Variants in ATP2B1 observed in about 807,000 individuals in gnomAD.
ATP2B1 encodes plasma membrane calcium-transporting ATPase 1.
In ATP2B1, 14 loss-of-function variants were observed where a neutral mutation model predicts 124.2. The ratio of observed to expected loss-of-function variants is 0.11; its 90% CI spans 0.07 to 0.18. The LOEUF is 0.18. Ranked by LOEUF, ATP2B1 falls within the 10% of genes least tolerant of loss-of-function variation. The pLI is 1.00. For missense variants in ATP2B1, 763 were observed against 1,466.1 expected, an observed-to-expected ratio of 0.52 and a Z score of 7.83; for synonymous variants, 449 against 492.4, an observed-to-expected ratio of 0.91 and a Z score of 1.17.
In ATP2B1 at chr12:89,603,099, C is replaced by G; in HGVS notation, c.3004G>C (p.Gly1002Arg). Residue 1002 changes from glycine to arginine, a missense_variant, in exon 18 of 21, where the codon GGA (glycine) becomes CGA (arginine). By Grantham distance (125) the Gly-to-Arg change is moderately radical. Transcript: ENST00000428670. The surrounding 1 kb of genome is among the most constrained non-coding windows in gnomAD (Gnocchi z 4.3). The stretch of plus-strand genomic sequence containing the variant: ...CAGAAGATGGCATTGTTAAAGATTC[C>G]TTCGAATACATTTCTTTCACCATGA... ...KIHGERNVFE[G>R]IFNNAIFCTI... 6.2e-7 allele frequency: 1 copy of G among 1,613,908 alleles called. No homozygotes were observed. Among genetic ancestry groups the G allele is most frequent in the Non-Finnish European group, 8.5e-7 (1 of 1,179,898 alleles).
intron 2 of ATP2B1, among the ~76,000 whole-genome samples, chr12:89,647,233 C>T (rs1884589489): frequency 6.6e-6 from 1 of 152,158 alleles, no homozygotes; most frequent in Non-Finnish European, 1.5e-5. Flanking sequence ...AATTGATCTT[C>T]TTATGGCCCA....
chr12:89,617,065 A>T (rs1226290778), intron 11 of ATP2B1, 26 bp from the exon 12 acceptor site: 1 of 1,561,616 alleles, frequency 6.4e-7, no homozygotes, highest in Non-Finnish European at 8.8e-7. Flanking sequence ...GAATCCAAAC[A>T]TCAATAATTT....
At chr12:89,597,155 T>C (rs538125247) in intron 20 of ATP2B1, among the ~76,000 whole-genome samples, 21 of 152,236 alleles carry the variant, frequency 1.4e-4, no homozygotes, top group African/African-American at 4.8e-4. Flanking sequence ...TGTGGAACAT[T>C]TACCATCTAG....
chr12:89,665,421 T>C (rs572304461), intron 1 of ATP2B1, among the ~76,000 whole-genome samples: 1 of 152,202 alleles, frequency 6.6e-6, no homozygotes, highest in South Asian at 2.1e-4. Flanking sequence ...TACTTTCTTT[T>C]GCTCTCCCAG....
chr12:89,661,896 G>T (rs1886744684), intron 1 of ATP2B1, among the ~76,000 whole-genome samples: 1 of 152,094 alleles, frequency 6.6e-6, no homozygotes, highest in South Asian at 2.1e-4. Flanking sequence ...GCTACCTCGT[G>T]AGTTTAAAAA....
chr12:89,691,551 C>T (rs1890557835), intron 1 of ATP2B1, among the ~76,000 whole-genome samples: 1 of 152,062 alleles, frequency 6.6e-6, no homozygotes, highest in African/African-American at 2.4e-5. Context: ...ATAATTTATC[C>T]TAGATAATTT....
intron 2 of ATP2B1, among the ~76,000 whole-genome samples, chr12:89,642,592 GTTTTTTGTT>G (rs1883724004): frequency 6.6e-6 from 1 of 151,842 alleles, no homozygotes; most frequent in African/African-American, 2.4e-5. Context: ...GCTTAGTTTT[GTTTTTTGTT>G]TTTTATTTTG....
chr12:89,656,100 A>G lies in ATP2B1; in HGVS notation c.-214T>C. The G allele has an allele frequency of 2.1e-6, 1 of 474,628 alleles. No individual in the cohort carries two copies. The highest frequency in any genetic ancestry group is 3.7e-6 in the Non-Finnish European group (1 of 270,140). The allele number at this position is 474,628 out of a possible 1,614,324, so 29.4% of individuals were successfully genotyped here. ...AGTTTCTCCATATCAATCATGAGATATACACATCTGTAAGAAGAAAATATT... is the reference window on the plus strand; with the variant it reads ...AGTTTCTCCATATCAATCATGAGATGTACACATCTGTAAGAAGAAAATATT... On this transcript the variant is annotated 5_prime_UTR_variant, in exon 2 of 21. Transcript: ENST00000428670.
Position 89,658,700 on chromosome 12 carries a change from A to T in ATP2B1, c.-221-2593T>A, listed in dbSNP as rs1034601023. Among the ~76,000 whole-genome samples the T allele has an allele frequency of 2.7e-5, 4 of 150,702 alleles. 1 individual carries two copies. The Middle Eastern group carries it at 9.9e-3, about 374-fold the overall frequency. On this transcript the variant is annotated intron_variant, in intron 1 of 20. Coordinates refer to ENST00000428670, the MANE Select transcript of ATP2B1 (RefSeq NM_001366521.1). ...TGGACATCAATTGAGCCCCTGGGTCAATCAGTGACTAAAGTTTGTCCCATC... is the reference window on the plus strand; with the variant it reads ...TGGACATCAATTGAGCCCCTGGGTCTATCAGTGACTAAAGTTTGTCCCATC...
intron 2 of ATP2B1, among the ~76,000 whole-genome samples, chr12:89,645,713 G>C (rs1008878944): frequency 6.6e-6 from 1 of 152,196 alleles, no homozygotes; most frequent in African/African-American, 2.4e-5. Flanking sequence ...GTAAAACCCA[G>C]TGACCCTGGA....
intron 1 of ATP2B1, among the ~76,000 whole-genome samples, chr12:89,661,877 A>G (rs1403101795): frequency 6.6e-6 from 1 of 152,114 alleles, no homozygotes; most frequent in Non-Finnish European, 1.5e-5. Flanking sequence ...CATTTTATTG[A>G]CAGTGACAGC....
intron 1 of ATP2B1, among the ~76,000 whole-genome samples, chr12:89,692,070 G>A (rs1185586482): frequency 6.6e-6 from 1 of 152,050 alleles, no homozygotes. Flanking sequence ...CAATTAAAAA[G>A]CTGGGATTAA....
chr12:89,626,716 T>C (rs1880928814), intron 7 of ATP2B1, 101 bp from the exon 8 acceptor site: 4 of 1,344,658 alleles, frequency 3.0e-6, no homozygotes, highest in South Asian at 1.6e-5. Context: ...CAGAAACCAG[T>C]AAAGGTATAA....
intron 1 of ATP2B1, among the ~76,000 whole-genome samples, chr12:89,701,316 C>T (rs937791710): frequency 4.6e-5 from 7 of 152,142 alleles, no homozygotes; most frequent in African/African-American, 1.4e-4. Context: ...TGAAGTCCTC[C>T]GGGTTGTACA....
At chr12:89,679,733 C>G (rs1889108243) in intron 1 of ATP2B1, among the ~76,000 whole-genome samples, 1 of 151,988 alleles carries the variant, frequency 6.6e-6, no homozygotes, top group African/African-American at 2.4e-5. Flanking sequence ...AAAAGGGGAC[C>G]AAAGGACATA....
chr12:89,657,048 G>A (rs1035619205), intron 1 of ATP2B1, among the ~76,000 whole-genome samples: 2 of 152,084 alleles, frequency 1.3e-5, no homozygotes, highest in Non-Finnish European at 2.9e-5. Flanking sequence ...CTAAAGATAA[G>A]CTCTCCTCTC....
At chr12:89,707,190 T>C (rs529624865) in intron 1 of ATP2B1, among the ~76,000 whole-genome samples, 1 of 152,068 alleles carries the variant, frequency 6.6e-6, no homozygotes, top group African/African-American at 2.4e-5. Flanking sequence ...ACAGGGAGTC[T>C]CGGGAAGGCT....
intron 5 of ATP2B1, among the ~76,000 whole-genome samples, chr12:89,632,344 AT>A (rs1418405630): frequency 9.2e-5 from 14 of 152,310 alleles, no homozygotes; most frequent in African/African-American, 3.4e-4. Context: ...TGAGTAACTT[AT>A]CCAATATTGT....
At chr12:89,611,827 AT>A (rs1878075908) in intron 12 of ATP2B1, 1 of 152,838 alleles carries the variant, frequency 6.5e-6, no homozygotes, top group Non-Finnish European at 1.5e-5. Context: ...TTCAATTTCC[AT>A]CTAATTCCAT....
Sources: allele counts gnomAD v4.1 joint callset (sites outside exome capture counted in the v4.1 genomes callset), GRCh38; gene constraint gnomAD v4.1.1; non-coding constraint Gnocchi (gnomAD v3.1); transcripts MANE v1.5; gene names NCBI Gene and HGNC (gene_info 2026-07-23, HGNC 2026-07-21).